Variants in CACNG2 observed in about 807,000 individuals in gnomAD.
The protein encoded by CACNG2 is voltage-dependent calcium channel gamma-2 subunit.
A neutral mutation model predicts 25.9 loss-of-function variants in CACNG2; 3 were observed. The ratio of observed to expected loss-of-function variants is 0.12; its 90% CI spans 0.05 to 0.30. The LOEUF is 0.30. Ranked by LOEUF, CACNG2 falls within the 10% of genes least tolerant of loss-of-function variation. The pLI, the probability that CACNG2 is intolerant of heterozygous loss-of-function variation, is 1.00. For synonymous variants in CACNG2, 167 were observed against 173.3 expected (o/e 0.96, Z 0.29); for missense variants, 341 against 432.5 (o/e 0.79, Z 1.88).
intron 2 of CACNG2, among the ~76,000 whole-genome samples, chr22:36,583,180 C>T (rs768368541): frequency 1.5e-4 from 21 of 139,910 alleles, no homozygotes; most frequent in Non-Finnish European, 2.7e-4. Flanking sequence ...CACACCTATT[C>T]GCAGCACTTT....
At chr22:36,598,910 G>A (rs866721686) in intron 1 of CACNG2, among the ~76,000 whole-genome samples, 1 of 151,756 alleles carries the variant, frequency 6.6e-6, no homozygotes, top group Non-Finnish European at 1.5e-5. Flanking sequence ...CCTGGGAGGC[G>A]GAGGTTGCAG....
chr22:36,600,854 T>C (rs953390577), intron 1 of CACNG2, among the ~76,000 whole-genome samples: 1 of 152,120 alleles, frequency 6.6e-6, no homozygotes. Flanking sequence ...GCCTAAAATT[T>C]TTTTTAAGTG....
Position 36,564,230 on chromosome 22 carries a change from T to G in CACNG2, c.*121A>C. On this transcript the variant is annotated 3_prime_UTR_variant, in exon 4 of 4. Coordinates refer to ENST00000300105, the MANE Select transcript of CACNG2 (RefSeq NM_006078.5). The surrounding 1 kb of genome is among the most constrained non-coding windows in gnomAD (Gnocchi z 6.7). ...TTTTTTGTTTTTTGTTTTTTTGTTT[T>G]TTTTGTTTTTTGTTTTTGCTTTTGG... 1.2e-6 allele frequency: 1 copy of G among 828,216 alleles called. No individual in the cohort carries two copies. The highest frequency in any genetic ancestry group is 2.3e-5 in the South Asian group (1 of 42,930). 51.3% of individuals were successfully genotyped at this position (828,216 alleles called of 1,614,324 possible).
chr22:36,679,238 CTTTCTTTCT>C (rs1223010236), intron 1 of CACNG2, among the ~76,000 whole-genome samples: 1 of 138,302 alleles, frequency 7.2e-6, no homozygotes, highest in Admixed American at 7.3e-5. Context: ...TTCCTTCTTT[CTTTCTTTCT>C]TTTCTTTAAA....
chr22:36,701,407 T>C (rs370017399), intron 1 of CACNG2, among the ~76,000 whole-genome samples: 7 of 152,176 alleles, frequency 4.6e-5, no homozygotes, highest in East Asian at 1.9e-4. Flanking sequence ...CCTTCATCCA[T>C]AGCGTGATCC....
chr22:36,622,113 G>T (rs1048520297), intron 1 of CACNG2, among the ~76,000 whole-genome samples: 1 of 152,244 alleles, frequency 6.6e-6, no homozygotes, highest in Non-Finnish European at 1.5e-5. Flanking sequence ...GAGGCACAGA[G>T]AAGTTTAGTG....
At chr22:36,573,240 T>C (rs187925312) in intron 2 of CACNG2, among the ~76,000 whole-genome samples, 1 of 152,250 alleles carries the variant, frequency 6.6e-6, no homozygotes, top group Admixed American at 6.5e-5. Flanking sequence ...TTCTACTTAT[T>C]GCATTATCTT....
chr22:36,702,168 C>T (rs1937418012), intron 1 of CACNG2, among the ~76,000 whole-genome samples, 198 bp downstream of exon 1: 1 of 151,808 alleles, frequency 6.6e-6, no homozygotes, highest in South Asian at 2.1e-4. Flanking sequence ...GTGGCGGAGG[C>T]GAGGGAGTAG....
chr22:36,683,028 T>A (rs1937146769), intron 1 of CACNG2, among the ~76,000 whole-genome samples: 1 of 152,238 alleles, frequency 6.6e-6, no homozygotes, highest in Non-Finnish European at 1.5e-5. Flanking sequence ...AGGGGGCTCT[T>A]ACAGCCAACT....
chr22:36,651,224 C>CTTTTTTTTTTTTTTTTTTT (rs11411019), intron 1 of CACNG2, among the ~76,000 whole-genome samples: 1 of 83,112 alleles, frequency 1.2e-5, no homozygotes, highest in African/African-American at 4.7e-5. Flanking sequence ...CTTCTTCCTC[C>CTTTTTTTTTTTTTTTTTTT]TTTTTTTTTT....
At chr22:36,638,434 C>G (rs1936392703) in intron 1 of CACNG2, among the ~76,000 whole-genome samples, 1 of 152,216 alleles carries the variant, frequency 6.6e-6, no homozygotes, top group Non-Finnish European at 1.5e-5. Context: ...CTGCTCTTTG[C>G]TTTGTCCATG....
Position 36,562,699 on chromosome 22 carries a change from C to T in CACNG2, c.*1652G>A, listed in dbSNP as rs2145900875. The T allele has an allele frequency of 6.6e-6, 1 of 152,136 alleles. No individual in the cohort carries two copies. Among genetic ancestry groups the T allele is most frequent in the African/African-American group, 2.4e-5 (1 of 41,384 alleles). The allele number at this position is 152,136 out of a possible 1,614,324, so 9.4% of individuals were successfully genotyped here. Reference sequence around the variant, plus strand: ...CCCTGTGAGTGACTGCAGTGCTGGGCTAAGTGGACTGTGTATGTGTGTGTG... The same window carrying T: ...CCCTGTGAGTGACTGCAGTGCTGGGTTAAGTGGACTGTGTATGTGTGTGTG... On this transcript the variant is annotated 3_prime_UTR_variant, in exon 4 of 4. Transcript: ENST00000300105.
intron 1 of CACNG2, among the ~76,000 whole-genome samples, chr22:36,680,171 C>T (rs1012385906): frequency 7.9e-4 from 116 of 147,538 alleles, no homozygotes; most frequent in Non-Finnish European, 9.9e-4. Context: ...ATCACCGTCA[C>T]CACCATTACC....
chr22:36,702,304 G>T, intron 1 of CACNG2, 62 bp downstream of exon 1: 1 of 1,011,516 alleles, frequency 9.9e-7, no homozygotes, highest in South Asian at 1.4e-5. Context: ...GGAGGGTGGG[G>T]AGGGGGGAGT....
At chr22:36,677,166 C>T (rs937445894) in intron 1 of CACNG2, among the ~76,000 whole-genome samples, 2 of 152,112 alleles carry the variant, frequency 1.3e-5, no homozygotes, top group Admixed American at 1.3e-4. Context: ...GCAGAGGGAA[C>T]GACTCCCTTT....
intron 1 of CACNG2, among the ~76,000 whole-genome samples, chr22:36,676,400 G>A (rs1426993016): frequency 6.6e-6 from 1 of 152,128 alleles, no homozygotes; most frequent in African/African-American, 2.4e-5. Context: ...TACCATCGAT[G>A]GCGTACCCAG....
intron 1 of CACNG2, among the ~76,000 whole-genome samples, chr22:36,679,193 C>CCTTCCTTTCTTT (rs1184671241): frequency 8.1e-5 from 4 of 49,240 alleles, no homozygotes; most frequent in African/African-American, 3.4e-4. Context: ...TTCCTTCCTT[C>CCTTCCTTTCTTT]CTTCCTTTCT....
At chr22:36,573,484 A>G (rs61123215) in intron 2 of CACNG2, among the ~76,000 whole-genome samples, 5,991 of 152,158 alleles carry the variant, frequency 0.039, 401 homozygotes, top group African/African-American at 0.14. Flanking sequence ...GCCATGTGCC[A>G]TCACACCTGG....
rs562506003 is a variant in CACNG2 at position 36,633,063 on chromosome 22, T to G, written c.212-45515A>C. ...TCTCTCTACCTAGAACCTCACTACCTCACTTCTTCAGGTCTTTGCTCAAAT... is the reference window on the plus strand; with the variant it reads ...TCTCTCTACCTAGAACCTCACTACCGCACTTCTTCAGGTCTTTGCTCAAAT... On this transcript the variant is annotated intron_variant, in intron 1 of 3. Coordinates refer to ENST00000300105, the MANE Select transcript of CACNG2 (RefSeq NM_006078.5). Among the ~76,000 whole-genome samples the G allele has an allele frequency of 5.3e-5, 8 of 152,290 alleles. No homozygotes were observed. The South Asian group carries it at 1.7e-3, about 32-fold the overall frequency.
Sources: allele counts gnomAD v4.1 joint callset (sites outside exome capture counted in the v4.1 genomes callset), GRCh38; gene constraint gnomAD v4.1.1; non-coding constraint Gnocchi (gnomAD v3.1); transcripts MANE v1.5; gene names NCBI Gene and HGNC (gene_info 2026-07-23, HGNC 2026-07-21).